Variants in ZNF782 observed in about 807,000 individuals in gnomAD.
ZNF782 encodes the protein zinc finger protein 782.
In ZNF782, 12 loss-of-function variants were observed where a neutral mutation model predicts 13.0. That is an observed-to-expected ratio of 0.92 (90% CI 0.59 to 1.50). The LOEUF (loss-of-function observed/expected upper bound fraction) is 1.50. ZNF782 is among the 40% of genes most tolerant of loss of function. The pLI is 0.00. For synonymous variants in ZNF782, 284 were observed against 283.0 expected (o/e 1.00, Z -0.04); for missense variants, 770 against 822.9 (o/e 0.94, Z 0.79).
At chr9:96,884,415 G>A in the ZNF782 span, among the ~76,000 whole-genome samples, 1 of 152,216 alleles carries the variant, frequency 6.6e-6, no homozygotes. Flanking sequence ...AGGCAGAATA[G>A]AGTGTCATAA....
chr9:96,854,454 C>G lies in ZNF782; in HGVS notation c.-628G>C, dbSNP rs908575457. 1 of 152,168 alleles carries G rather than the reference C, an allele frequency of 6.6e-6. No individual in the cohort carries two copies. Among genetic ancestry groups the G allele is most frequent in the Non-Finnish European group, 1.5e-5 (1 of 68,058 alleles). The allele number at this position is 152,168 out of a possible 1,614,324, so 9.4% of individuals were successfully genotyped here. ...GCCCCCTCTACTTTCCGAGCCGACC[C>G]CCGAGCTTCCCAAACCGCTTCCCGG... On this transcript the variant is annotated 5_prime_UTR_variant, in exon 1 of 6. Transcript: ENST00000481138.
At chr9:96,925,669 C>T in the ZNF782 span, among the ~76,000 whole-genome samples, 1 of 150,372 alleles carries the variant, frequency 6.7e-6, no homozygotes, top group South Asian at 2.1e-4. Flanking sequence ...AAGCAACTCA[C>T]TGACTTGAGT....
chr9:96,918,012 G>A, the ZNF782 span, among the ~76,000 whole-genome samples: 1 of 151,146 alleles, frequency 6.6e-6, no homozygotes, highest in Admixed American at 6.6e-5. Context: ...GAAGTGCTGG[G>A]ATTGTACGTA....
At chr9:96,915,115 T>G in the ZNF782 span, among the ~76,000 whole-genome samples, 5 of 151,780 alleles carry the variant, frequency 3.3e-5, no homozygotes, top group African/African-American at 1.2e-4. Context: ...CCAAGAAAAT[T>G]CTTTGTTCAA....
the ZNF782 span, among the ~76,000 whole-genome samples, chr9:96,897,090 T>G: frequency 6.6e-6 from 1 of 152,326 alleles, no homozygotes; most frequent in African/African-American, 2.4e-5. Context: ...CATGAAGTGG[T>G]ATACAGTTGG....
intron 1 of ZNF782, among the ~76,000 whole-genome samples, chr9:96,873,771 A>G (rs1323705476): frequency 3.9e-5 from 6 of 152,246 alleles, no homozygotes; most frequent in African/African-American, 1.4e-4. Flanking sequence ...CTTGAATTCT[A>G]GAAGGCAATA....
chr9:96,920,681 C>A, the ZNF782 span, among the ~76,000 whole-genome samples: 1 of 149,630 alleles, frequency 6.7e-6, no homozygotes, highest in Admixed American at 6.7e-5. Flanking sequence ...CTTTGGGAGG[C>A]CGAGGCAGGC....
intron 5 of ZNF782, among the ~76,000 whole-genome samples, chr9:96,825,958 A>G (rs1476155578): frequency 6.6e-6 from 1 of 151,960 alleles, no homozygotes; most frequent in Admixed American, 6.6e-5. Context: ...GTGGGACTGT[A>G]AACTAGTTCA....
the ZNF782 span, among the ~76,000 whole-genome samples, chr9:96,883,918 A>G: frequency 6.6e-6 from 1 of 152,230 alleles, no homozygotes; most frequent in Non-Finnish European, 1.5e-5. Flanking sequence ...AGAACTACCA[A>G]TAGGCACAGA....
the ZNF782 span, chr9:96,889,403 T>C: frequency 8.3e-6 from 1 of 120,658 alleles, no homozygotes; most frequent in South Asian, 2.3e-4. Context: ...CCAAAACTAA[T>C]TTTTTTTTTT....
intron 4 of ZNF782, among the ~76,000 whole-genome samples, chr9:96,832,556 C>G (rs1850840470): frequency 6.6e-6 from 1 of 152,164 alleles, no homozygotes; most frequent in African/African-American, 2.4e-5. Context: ...TTCCCTTCAT[C>G]TGAGAATGTC....
intron 5 of ZNF782, 24 bp downstream of exon 5, chr9:96,827,056 T>C: frequency 6.5e-7 from 1 of 1,531,162 alleles, no homozygotes; most frequent in Non-Finnish European, 9.0e-7. Flanking sequence ...GAGAACCTTC[T>C]TCTTGTTGAA....
chr9:96,818,553 CAT>C lies in ZNF782; in HGVS notation c.1468_1469del (p.Met490ValfsTer17), dbSNP rs1850267019. On this transcript the variant is annotated frameshift_variant, in exon 6 of 6. Coordinates refer to ENST00000481138, the MANE Select transcript of ZNF782 (RefSeq NM_001001662.3). LOFTEE classifies it low-confidence loss of function (END_TRUNC). ...CNECGKSFSH[M>X]SGLRNHRRTH... ...TTCTTCGGTGATTCCTTAGGCCTGA[CAT>C]ATGGCTGAAAGATTTCCCGCATTCA... 1.9e-6 allele frequency: 3 copies of C among 1,613,390 alleles called. No homozygotes were observed. The highest frequency in any genetic ancestry group is 2.5e-6 in the Non-Finnish European group (3 of 1,179,860).
At chr9:96,844,748 A>G (rs1588165046) in intron 4 of ZNF782, 142 bp downstream of exon 4, 1 of 1,098,448 alleles carries the variant, frequency 9.1e-7, no homozygotes, top group East Asian at 2.6e-5. Flanking sequence ...TGTTAAGTAT[A>G]CCTCAATAAA....
chr9:96,881,988 AGTGTGTGTGTGTGT>A, the ZNF782 span, among the ~76,000 whole-genome samples: 4 of 148,294 alleles, frequency 2.7e-5, no homozygotes, highest in Non-Finnish European at 6.0e-5. Flanking sequence ...TGGAAGTATG[AGTGTGTGTGTGTGT>A]GTGTGTGTGT....
intron 1 of ZNF782, among the ~76,000 whole-genome samples, chr9:96,874,709 G>A (rs1851871975): frequency 6.6e-6 from 1 of 152,196 alleles, no homozygotes; most frequent in Non-Finnish European, 1.5e-5. Flanking sequence ...AAGGTCAGAG[G>A]GGTGTTCTCT....
In ZNF782 at chr9:96,863,799, G is replaced by T. The variant is rs193045658; in HGVS notation, c.-456-2196C>A. 4.6e-3 allele frequency among the ~76,000 whole-genome samples: 700 copies of T among 152,258 alleles called. 6 individuals are homozygous for T. Among genetic ancestry groups the T allele is most frequent in the African/African-American group, 0.016 (668 of 41,544 alleles). On this transcript the variant is annotated intron_variant, in intron 1 of 5. Coordinates refer to the ZNF782 transcript ENST00000498811. ...ATCATATGTTCTCACTTATAGGTGG[G>T]AGCTAAGCTATGAGGATGCAAAGGC... is the stretch of plus-strand genomic sequence containing the variant.
At chr9:96,880,061 A>T (rs1851944137), upstream of ZNF782, among the ~76,000 whole-genome samples, 2 of 151,522 alleles carry the variant, frequency 1.3e-5, no homozygotes, top group Admixed American at 6.6e-5. Context: ...TGTAAATAAC[A>T]TTATGTTTTT....
At chr9:96,908,368 A>C in the ZNF782 span, among the ~76,000 whole-genome samples, 1 of 152,382 alleles carries the variant, frequency 6.6e-6, no homozygotes, top group South Asian at 2.1e-4. Flanking sequence ...TTGAGTGCCC[A>C]GGCACTCAGT....
Sources: allele counts gnomAD v4.1 joint callset (sites outside exome capture counted in the v4.1 genomes callset), GRCh38; gene constraint gnomAD v4.1.1; transcripts MANE v1.5; gene names NCBI Gene and HGNC (gene_info 2026-07-23, HGNC 2026-07-21).